The following ARB2A variants were observed in gnomAD, a reference collection of about 807,000 sequenced individuals.
ARB2A encodes cotranscriptional regulator ARB2A.
chr5:93,795,261 G>C, the ARB2A span, among the ~76,000 whole-genome samples: 3 of 151,814 alleles, frequency 2.0e-5, no homozygotes, highest in African/African-American at 7.3e-5. Flanking sequence ...GCCTCACCCC[G>C]CTCCCATGCG....
At chr5:93,724,863 C>T in the ARB2A span, among the ~76,000 whole-genome samples, 1 of 151,974 alleles carries the variant, frequency 6.6e-6, no homozygotes, top group Non-Finnish European at 1.5e-5. Context: ...ACTACTCTTG[C>T]CCTTTGGGGT....
the ARB2A span, among the ~76,000 whole-genome samples, chr5:93,654,469 G>A: frequency 6.6e-6 from 1 of 152,106 alleles, no homozygotes; most frequent in African/African-American, 2.4e-5. Context: ...TCACAGAAAT[G>A]TTCTTTCTAC....
chr5:93,744,367 G>A, the ARB2A span, among the ~76,000 whole-genome samples: 4 of 147,212 alleles, frequency 2.7e-5, no homozygotes, highest in East Asian at 2.0e-4. Context: ...CCCGGGAGGC[G>A]GAGGTTGCAG....
the ARB2A span, among the ~76,000 whole-genome samples, chr5:93,903,988 T>C: frequency 6.6e-6 from 1 of 151,900 alleles, no homozygotes; most frequent in East Asian, 1.9e-4. Flanking sequence ...TTGTAATGAG[T>C]GTTTCTAAAA....
chr5:94,036,693 G>A, the ARB2A span, among the ~76,000 whole-genome samples: 1 of 151,968 alleles, frequency 6.6e-6, no homozygotes, highest in Admixed American at 6.6e-5. Context: ...CTGTTGTTTT[G>A]GTCTTTCACT....
At chr5:94,031,543 G>C in the ARB2A span, among the ~76,000 whole-genome samples, 364 of 152,274 alleles carry the variant, frequency 2.4e-3, no homozygotes, top group African/African-American at 8.3e-3. Flanking sequence ...AAAGGAAGCA[G>C]AGCAAAAATA....
the ARB2A span, among the ~76,000 whole-genome samples, chr5:93,744,392 G>A: frequency 4.9e-5 from 6 of 122,434 alleles, no homozygotes; most frequent in Non-Finnish European, 9.5e-5. Flanking sequence ...CCGAGATCGC[G>A]CCACTGCACT....
the ARB2A span, among the ~76,000 whole-genome samples, chr5:93,840,249 C>T: frequency 6.6e-6 from 1 of 152,130 alleles, no homozygotes; most frequent in Admixed American, 6.6e-5. Context: ...TGACAGCACT[C>T]AGTCTTGAAG....
At chr5:94,036,283 T>C in the ARB2A span, among the ~76,000 whole-genome samples, 5 of 152,218 alleles carry the variant, frequency 3.3e-5, no homozygotes, top group East Asian at 1.9e-4. Flanking sequence ...AAAAAGGTAT[T>C]AGAAAATTCA....
At chr5:93,725,560 G>A in the ARB2A span, among the ~76,000 whole-genome samples, 1 of 152,016 alleles carries the variant, frequency 6.6e-6, no homozygotes, top group African/African-American at 2.4e-5. Context: ...TTATCAATGA[G>A]ATTTTAGGGA....
At chr5:93,876,324 C>T in the ARB2A span, among the ~76,000 whole-genome samples, 2 of 152,092 alleles carry the variant, frequency 1.3e-5, no homozygotes, top group African/African-American at 4.8e-5. Flanking sequence ...ACATATTAAG[C>T]AGGTTTTCCT....
chr5:93,643,462 G>A, the ARB2A span, among the ~76,000 whole-genome samples: 4 of 152,164 alleles, frequency 2.6e-5, no homozygotes, highest in African/African-American at 2.4e-5. Flanking sequence ...AATATTATAT[G>A]TGAATAGCCC....
At chr5:93,971,456 AC>A in the ARB2A span, among the ~76,000 whole-genome samples, 1 of 151,822 alleles carries the variant, frequency 6.6e-6, no homozygotes, top group East Asian at 2.0e-4. Flanking sequence ...AATCCCAGCT[AC>A]TTGGGAGGCT....
the ARB2A span, among the ~76,000 whole-genome samples, chr5:93,674,922 T>C: frequency 6.6e-6 from 1 of 152,212 alleles, no homozygotes; most frequent in African/African-American, 2.4e-5. Flanking sequence ...AGTTATAACA[T>C]ATCCCCTATG....
At chr5:93,871,657 A>G in the ARB2A span, among the ~76,000 whole-genome samples, 1 of 152,202 alleles carries the variant, frequency 6.6e-6, no homozygotes, top group Non-Finnish European at 1.5e-5. Context: ...ATTTTCAAAA[A>G]TGCCATATTT....
chr5:93,744,913 A>G, the ARB2A span, among the ~76,000 whole-genome samples: 389 of 152,336 alleles, frequency 2.6e-3, 2 homozygotes, highest in African/African-American at 8.4e-3. Context: ...CCAGTCCCCA[A>G]TGTATTTATA....
chr5:93,922,402 C>T, the ARB2A span, among the ~76,000 whole-genome samples: 9 of 151,520 alleles, frequency 5.9e-5, no homozygotes, highest in African/African-American at 1.2e-4. Context: ...GGTGTGGTGG[C>T]GCATGCCTAT....
chr5:93,897,434 G>GT, the ARB2A span, among the ~76,000 whole-genome samples: 1 of 151,740 alleles, frequency 6.6e-6, no homozygotes, highest in Non-Finnish European at 1.5e-5. Context: ...AAATATAATT[G>GT]TACTTTTGAG....
the ARB2A span, among the ~76,000 whole-genome samples, chr5:94,035,848 G>T: frequency 7.4e-4 from 113 of 152,166 alleles, no homozygotes; most frequent in East Asian, 1.7e-3. Flanking sequence ...ACAAACCAGG[G>T]CCTGTCGGGG....
Sources: allele counts gnomAD v4.1 joint callset (sites outside exome capture counted in the v4.1 genomes callset), GRCh38; gene constraint gnomAD v4.1.1; transcripts MANE v1.5; gene names NCBI Gene and HGNC (gene_info 2026-07-23, HGNC 2026-07-21).